LRRC28: variants seen among roughly 807,000 people sequenced by gnomAD.
The protein encoded by LRRC28 is leucine rich repeat containing 28.
LRRC28 carries 39 observed loss-of-function variants against 45.7 expected under a neutral mutation model. The observed-to-expected ratio is 0.85, with a 90% CI of 0.66 to 1.12. LRRC28 has a LOEUF of 1.12. LRRC28 is among the 50% of genes most tolerant of loss of function. LRRC28 has a pLI of 0.00. For synonymous variants in LRRC28, 206 were observed against 178.8 expected (o/e 1.15, Z -1.22); for missense variants, 435 against 438.5 (o/e 0.99, Z 0.07).
chr15:99,319,751 A>G (rs981051310), intron 5 of LRRC28, among the ~76,000 whole-genome samples: 3 of 152,050 alleles, frequency 2.0e-5, no homozygotes, highest in African/African-American at 7.2e-5. Flanking sequence ...TATTTAAATC[A>G]AATTCATTTT....
intron 2 of LRRC28, among the ~76,000 whole-genome samples, chr15:99,262,127 A>T (rs950913328): frequency 6.6e-6 from 1 of 152,034 alleles, no homozygotes; most frequent in Admixed American, 6.6e-5. Flanking sequence ...AATCATACAT[A>T]TTTCTCTGGA....
At chr15:99,294,731 C>T (rs1214914002) in intron 5 of LRRC28, among the ~76,000 whole-genome samples, 1 of 152,208 alleles carries the variant, frequency 6.6e-6, no homozygotes, top group Non-Finnish European at 1.5e-5. Context: ...AAGGCCCCAC[C>T]TCCTGAGACC....
chr15:99,379,634 G>A (rs541399473), intron 9 of LRRC28, among the ~76,000 whole-genome samples: 2 of 152,110 alleles, frequency 1.3e-5, no homozygotes, highest in Non-Finnish European at 2.9e-5. Context: ...TGTGATGTTA[G>A]GGTGTCAATT....
Position 99,285,563 on chromosome 15 carries a change from A to G in LRRC28, c.210-1694A>G, listed in dbSNP as rs896699324. ...CTCAGCTGTTCGGGCTCTTTAGGAG[A>G]CTGACTTAGACTTGACGGCAGGGGG... On this transcript the variant is annotated intron_variant, in intron 3 of 9. Coordinates refer to ENST00000301981, the MANE Select transcript of LRRC28 (RefSeq NM_144598.5). 2.0e-5 allele frequency: 17 copies of G among 843,962 alleles called. No individual in the cohort carries two copies. The African/African-American group carries it at 2.9e-4, about 14-fold the overall frequency. The allele number at this position is 843,962 out of a possible 1,614,324, so 52.3% of individuals were successfully genotyped here.
intron 2 of LRRC28, among the ~76,000 whole-genome samples, chr15:99,275,567 C>G (rs926330220): frequency 4.6e-5 from 7 of 152,166 alleles, no homozygotes; most frequent in African/African-American, 1.7e-4. Flanking sequence ...GACAAATTAT[C>G]AAAAACTGGG....
At chr15:99,254,619 T>C (rs902197260) in intron 1 of LRRC28, among the ~76,000 whole-genome samples, 11 of 152,254 alleles carry the variant, frequency 7.2e-5, no homozygotes, top group Non-Finnish European at 1.2e-4. Context: ...AGTCAGTGTC[T>C]GTGAAGAACC....
At chr15:99,311,822 G>A (rs1392683835) in intron 5 of LRRC28, among the ~76,000 whole-genome samples, 1 of 152,166 alleles carries the variant, frequency 6.6e-6, no homozygotes, top group Non-Finnish European at 1.5e-5. Context: ...GTAAATGTAT[G>A]TGAAATATAA....
At chr15:99,282,486 G>A (rs1196020586) in intron 3 of LRRC28, among the ~76,000 whole-genome samples, 1 of 152,102 alleles carries the variant, frequency 6.6e-6, no homozygotes, top group Non-Finnish European at 1.5e-5. Flanking sequence ...CATACATAAT[G>A]GTGGTCTCAT....
chr15:99,327,115 C>T (rs1956008207), intron 5 of LRRC28, among the ~76,000 whole-genome samples: 1 of 152,052 alleles, frequency 6.6e-6, no homozygotes. Flanking sequence ...TGCTCTGTCG[C>T]CTAGGCTGGA....
intron 5 of LRRC28, among the ~76,000 whole-genome samples, chr15:99,290,033 G>C (rs1304345912): frequency 6.6e-6 from 1 of 150,590 alleles, no homozygotes; most frequent in Non-Finnish European, 1.5e-5. Flanking sequence ...CGAGGTGGGT[G>C]GATCACCTGA....
At chr15:99,296,127 A>G (rs1164210995) in intron 5 of LRRC28, among the ~76,000 whole-genome samples, 1 of 152,190 alleles carries the variant, frequency 6.6e-6, no homozygotes, top group Non-Finnish European at 1.5e-5. Flanking sequence ...GTATTGGCAT[A>G]GGCTGCTGTT....
chr15:99,294,101 C>A (rs1226691281), intron 5 of LRRC28, among the ~76,000 whole-genome samples: 1 of 152,100 alleles, frequency 6.6e-6, no homozygotes, highest in Non-Finnish European at 1.5e-5. Flanking sequence ...ATTAAGATTT[C>A]TCTCTTTAAT....
intron 2 of LRRC28, chr15:99,257,564 CG>C (rs2081059247): frequency 3.7e-6 from 2 of 535,190 alleles, no homozygotes; most frequent in African/African-American, 1.9e-5. Flanking sequence ...GGATCCAACC[CG>C]GGGGTGAGAG....
chr15:99,306,707 G>C (rs1209808380), intron 5 of LRRC28, among the ~76,000 whole-genome samples: 1 of 152,222 alleles, frequency 6.6e-6, no homozygotes, highest in Admixed American at 6.5e-5. Context: ...AAGAAGCCTA[G>C]TTTTATACCT....
chr15:99,378,159 T>A lies in LRRC28; in HGVS notation c.1032-7871T>A, dbSNP rs528331973. On this transcript the variant is annotated intron_variant, in intron 9 of 9. Coordinates refer to ENST00000301981, the MANE Select transcript of LRRC28 (RefSeq NM_144598.5). ...AGTATGGCCATTTTCATGATATTGA[T>A]TCTTCCTATCCATGAGCATGGAATA... 3.0e-4 allele frequency among the ~76,000 whole-genome samples: 46 copies of A among 152,342 alleles called. No homozygotes were observed. In the Middle Eastern group the frequency reaches 0.01, roughly 34 times the overall value.
At chr15:99,259,715 A>G (rs1291708500) in intron 2 of LRRC28, 2 of 1,424,196 alleles carry the variant, frequency 1.4e-6, no homozygotes, top group African/African-American at 1.4e-5. Flanking sequence ...GCTTCGACGA[A>G]TTAAGGAAGA....
At chr15:99,270,204 A>G (rs1469828938) in intron 2 of LRRC28, among the ~76,000 whole-genome samples, 1 of 152,238 alleles carries the variant, frequency 6.6e-6, no homozygotes, top group Non-Finnish European at 1.5e-5. Flanking sequence ...TAGTTTGTGA[A>G]TGAAGTACTT....
intron 9 of LRRC28, among the ~76,000 whole-genome samples, chr15:99,373,767 C>T (rs550102540): frequency 4.6e-5 from 7 of 152,236 alleles, no homozygotes; most frequent in Non-Finnish European, 1.0e-4. Flanking sequence ...CTTGCCTTTT[C>T]GCTTTCCTAA....
At chr15:99,370,980 A>G (rs7183514) in intron 9 of LRRC28, among the ~76,000 whole-genome samples, 56,635 of 152,022 alleles carry the variant, frequency 0.37, 11,348 homozygotes, top group African/African-American at 0.54. Context: ...TAGTATGCCA[A>G]GTGCCTGTAA....
Sources: allele counts gnomAD v4.1 joint callset (sites outside exome capture counted in the v4.1 genomes callset), GRCh38; gene constraint gnomAD v4.1.1; transcripts MANE v1.5; gene names NCBI Gene and HGNC (gene_info 2026-07-23, HGNC 2026-07-21).